ANKAR: variants seen among roughly 807,000 people sequenced by gnomAD.
The protein encoded by ANKAR is ankyrin and armadillo repeat-containing protein.
ANKAR carries 136 observed loss-of-function variants against 146.2 expected under a neutral mutation model. The ratio of observed to expected loss-of-function variants is 0.93; its 90% CI spans 0.81 to 1.07. The LOEUF (loss-of-function observed/expected upper bound fraction) is 1.07. Ranked by LOEUF, ANKAR falls within the 50% of genes least tolerant of loss-of-function variation. ANKAR has a pLI of 0.00. For synonymous variants in ANKAR, 500 were observed against 575.8 expected (o/e 0.87, Z 1.88); for missense variants, 1,567 against 1,679.9 (o/e 0.93, Z 1.18).
intron 9 of ANKAR, among the ~76,000 whole-genome samples, chr2:189,709,040 G>T (rs1264167634): frequency 1.3e-5 from 2 of 152,108 alleles, no homozygotes; most frequent in Non-Finnish European, 2.9e-5. Flanking sequence ...AGGCAAAGTT[G>T]CAGTGAACCG....
intron 10 of ANKAR, among the ~76,000 whole-genome samples, chr2:189,712,207 T>C (rs561927414): frequency 6.6e-6 from 1 of 152,320 alleles, no homozygotes; most frequent in South Asian, 2.1e-4. Flanking sequence ...TTCTGCAGAC[T>C]TAAATGTCCC....
chr2:189,759,341 C>T (rs1192297362), intron 18 of ANKAR, among the ~76,000 whole-genome samples: 14 of 152,206 alleles, frequency 9.2e-5, no homozygotes, highest in Non-Finnish European at 1.5e-4. Flanking sequence ...CTCCGCCTCC[C>T]GGGTTCACGC....
At chr2:189,698,231 T>A (rs1331818141) in intron 7 of ANKAR, among the ~76,000 whole-genome samples, 1 of 152,198 alleles carries the variant, frequency 6.6e-6, no homozygotes, top group African/African-American at 2.4e-5. Context: ...TGCATAATGA[T>A]GTTTTGTATT....
At chr2:189,753,707 G>C (rs1390962254) in intron 18 of ANKAR, among the ~76,000 whole-genome samples, 1 of 152,108 alleles carries the variant, frequency 6.6e-6, no homozygotes, top group Non-Finnish European at 1.5e-5. Flanking sequence ...TTAGACTTAT[G>C]TGCCATAGAA....
At chr2:189,680,366 A>G (rs2034461461) in intron 2 of ANKAR, among the ~76,000 whole-genome samples, 1 of 151,828 alleles carries the variant, frequency 6.6e-6, no homozygotes, top group Non-Finnish European at 1.5e-5. Flanking sequence ...TGGTGAATCA[A>G]TTTTATCTTT....
At chr2:189,745,213 C>G (rs148436469) in intron 22 of ANKAR, among the ~76,000 whole-genome samples, 1 of 151,650 alleles carries the variant, frequency 6.6e-6, no homozygotes, top group Non-Finnish European at 1.5e-5. Flanking sequence ...AGAGGGTACC[C>G]CCACAAAAAA....
downstream of ANKAR, among the ~76,000 whole-genome samples, chr2:189,748,843 G>A (rs1353193023): frequency 6.6e-6 from 1 of 152,154 alleles, no homozygotes; most frequent in Non-Finnish European, 1.5e-5. Context: ...CAGGTTATCA[G>A]AGTTTCTTTG....
chr2:189,757,655 A>G (rs1314184747), intron 18 of ANKAR, among the ~76,000 whole-genome samples: 2 of 152,236 alleles, frequency 1.3e-5, no homozygotes, highest in East Asian at 1.9e-4. Flanking sequence ...TAAGCCTAGT[A>G]AATGGCTGAA....
intron 18 of ANKAR, chr2:189,754,861 CT>C (rs2045857077): frequency 3.1e-6 from 1 of 322,736 alleles, no homozygotes. Flanking sequence ...CTTATTTTAC[CT>C]TTTTTGCAGT....
intron 18 of ANKAR, among the ~76,000 whole-genome samples, chr2:189,760,174 T>C (rs549654553): frequency 9.5e-4 from 145 of 152,324 alleles, no homozygotes; most frequent in African/African-American, 3.3e-3. Flanking sequence ...ACAGACATAT[T>C]AACAATCTGA....
downstream of ANKAR, among the ~76,000 whole-genome samples, chr2:189,749,597 A>G (rs185115004): frequency 6.6e-6 from 1 of 152,180 alleles, no homozygotes; most frequent in Admixed American, 6.5e-5. Flanking sequence ...ATTATATACA[A>G]TTTCTCAAAT....
intron 7 of ANKAR, among the ~76,000 whole-genome samples, chr2:189,700,034 C>T (rs988532228): frequency 6.8e-6 from 1 of 147,370 alleles, no homozygotes; most frequent in Admixed American, 6.8e-5. Context: ...TTTACTTGAC[C>T]TTCATTTTTT....
At chr2:189,729,238 A>G (rs2042170083) in intron 15 of ANKAR, among the ~76,000 whole-genome samples, 1 of 152,212 alleles carries the variant, frequency 6.6e-6, no homozygotes, top group South Asian at 2.1e-4. Flanking sequence ...CATAGAATTC[A>G]TTGCAAAGGA....
At position 189,742,843 on chromosome 2, in the gene ANKAR, CACACACACATTAGAATTACCTG is replaced by C. The variant is rs1371928031; in HGVS notation, c.3811-422_3811-401del. 2.1e-3 allele frequency among the ~76,000 whole-genome samples: 73 copies of C among 35,146 alleles called. 2 individuals are homozygous for C. The East Asian group carries it at 0.029, about 14-fold the overall frequency. The allele number at this position is 35,146 out of a possible 152,430, so 23.1% of individuals were successfully genotyped here. ...ACATTAGAATTACCTGACACACACA[CACACACACATTAGAATTACCTG>C]ACACACACACACACACACACACACA... On this transcript the variant is annotated intron_variant, in intron 20 of 22. Transcript: ENST00000684021.
At chr2:189,748,370 G>A (rs2044494812), downstream of ANKAR, among the ~76,000 whole-genome samples, 1 of 152,154 alleles carries the variant, frequency 6.6e-6, no homozygotes, top group Non-Finnish European at 1.5e-5. Flanking sequence ...GTTATGCTGA[G>A]TGTGGTGGTA....
chr2:189,746,496 T>C lies in ANKAR; in HGVS notation c.4174T>C (p.Ser1392Pro). The C allele has an allele frequency of 6.2e-7, 1 of 1,613,840 alleles. No homozygotes were observed. Among genetic ancestry groups the C allele is most frequent in the Non-Finnish European group, 8.5e-7 (1 of 1,179,886 alleles). ...CAAAGCAACAAAAAAGACCAAGGAT[T>C]CCCATAATATTTTTTCTTTTTCATC... The part of the protein sequence containing the change: ...LFKATKKTKD[S>P]HNIFSFSSTI... Residue 1392 changes from serine to proline, a missense_variant, in exon 23 of 23, where the codon TCC becomes CCC. Coordinates refer to ENST00000684021, the MANE Select transcript of ANKAR (RefSeq NM_001378068.1).
At chr2:189,692,505 GCA>G in intron 4 of ANKAR, 87 bp downstream of exon 4, 1 of 1,119,246 alleles carries the variant, frequency 8.9e-7, no homozygotes, top group Non-Finnish European at 1.3e-6. Flanking sequence ...GTTGGTACAG[GCA>G]CTCGACAGCT....
In ANKAR at chr2:189,696,160, TTG is replaced by T. The variant is rs773582397; in HGVS notation, c.1500_1501del (p.Phe500LeufsTer7). Reference sequence around the variant, plus strand: ...CCTTCTTAATTTTAGAGTATTCCATTTGGTATGAAGTCCGCTGTTGAAAGAGG... The same window carrying T: ...CCTTCTTAATTTTAGAGTATTCCATTGTATGAAGTCCGCTGTTGAAAGAGG... On this transcript the variant is annotated frameshift_variant, in exon 7 of 23. Transcript: ENST00000684021. LOFTEE classifies it high-confidence loss of function. The T allele has an allele frequency of 6.2e-7, 1 of 1,613,886 alleles. No homozygotes were observed. The highest frequency in any genetic ancestry group is 1.1e-5 in the South Asian group (1 of 91,052).
chr2:189,676,698 G>T lies in ANKAR; in HGVS notation c.208G>T (p.Gly70Ter), dbSNP rs762158248. Residue 70 changes from glycine (G) to a stop codon, truncating the protein, a stop_gained, in exon 2 of 23, where the codon GGA becomes TGA. Coordinates refer to ENST00000684021, the MANE Select transcript of ANKAR (RefSeq NM_001378068.1). LOFTEE classifies it high-confidence loss of function. ...DVRSQVDLPC[G>*]IMSQMNNVGF... The stretch of plus-strand genomic sequence containing the variant: ...GCGCTCTCAAGTAGACCTCCCATGT[G>T]GAATTATGAGTCAAATGAATAACGT... 6.2e-7 allele frequency: 1 copy of T among 1,614,116 alleles called. No individual in the cohort carries two copies. Among genetic ancestry groups the T allele is most frequent in the South Asian group, 1.1e-5 (1 of 91,076 alleles).
Sources: gnomAD v4.1 joint callset for allele counts (sites outside exome capture counted in the v4.1 genomes callset) on GRCh38, gnomAD v4.1.1 for gene constraint, MANE v1.5 for transcripts, NCBI Gene and HGNC (gene_info 2026-07-23, HGNC 2026-07-21) for gene names.